Variants in UBE2G2 observed in about 807,000 individuals in gnomAD.
The protein encoded by UBE2G2 is ubiquitin conjugating enzyme E2 G2.
In UBE2G2, 10 loss-of-function variants were observed where a neutral mutation model predicts 23.0. The observed-to-expected ratio is 0.43, with a 90% CI of 0.27 to 0.74. UBE2G2 has a LOEUF of 0.74. UBE2G2 is among the 30% of genes least tolerant of loss of function. The probability of loss-of-function intolerance (pLI) is 0.19; values close to 1 mark genes in which losing one functional copy is unlikely to be tolerated. For synonymous variants in UBE2G2, 86 were observed against 81.3 expected (o/e 1.06, Z -0.31); for missense variants, 150 against 218.3 (o/e 0.69, Z 1.97).
rs1488104702 is a variant in UBE2G2, at chr21:44,771,100, C to A, written c.*277G>T. 1 of 372,638 alleles carries A rather than the reference C, an allele frequency of 2.7e-6. No homozygotes were observed. Among genetic ancestry groups the A allele is most frequent in the Non-Finnish European group, 4.9e-6 (1 of 203,626 alleles). The allele number at this position is 372,638 out of a possible 1,614,324, so 23.1% of individuals were successfully genotyped here. On this transcript the variant is annotated 3_prime_UTR_variant, in exon 6 of 6. Transcript: ENST00000345496. The surrounding 1 kb of genome is among the most constrained non-coding windows in gnomAD (Gnocchi z 4.6). Reference sequence around the variant, plus strand: ...GGAAGCCATGAACTGCTGGTTTCAGCGGGGAGAGGTAGTGCTGACAGCTCT... The same window carrying A: ...GGAAGCCATGAACTGCTGGTTTCAGAGGGGAGAGGTAGTGCTGACAGCTCT...
In UBE2G2 at chr21:44,792,409, A is replaced by T. The variant is rs56178579; in HGVS notation, c.44-4314T>A. On this transcript the variant is annotated intron_variant, in intron 1 of 5. Coordinates refer to ENST00000345496, the MANE Select transcript of UBE2G2 (RefSeq NM_003343.6). ...GAACCTGGTAGGAGGTGACTGGATC[A>T]TGGGGGCAGTTTCCCTCATGCTGTT... Among the ~76,000 whole-genome samples the T allele has an allele frequency of 7.2e-3, 1,091 of 152,282 alleles. 14 individuals are homozygous for T. Among genetic ancestry groups the T allele is most frequent in the African/African-American group, 0.026 (1,065 of 41,562 alleles).
At chr21:44,784,681 G>A (rs1555961744) in intron 3 of UBE2G2, among the ~76,000 whole-genome samples, 1 of 152,136 alleles carries the variant, frequency 6.6e-6, no homozygotes, top group African/African-American at 2.4e-5. Flanking sequence ...GGTAGAAGCC[G>A]CGGCAGCCTG....
chr21:44,800,086 A>C (rs1555964510), intron 1 of UBE2G2: 3 of 152,230 alleles, frequency 2.0e-5, no homozygotes, highest in African/African-American at 7.2e-5. Context: ...AAGATTACTG[A>C]TCATAGATCA....
At chr21:44,796,543 A>C (rs2083090640) in intron 1 of UBE2G2, among the ~76,000 whole-genome samples, 1 of 151,934 alleles carries the variant, frequency 6.6e-6, no homozygotes, top group Admixed American at 6.6e-5. Flanking sequence ...AATGATACAC[A>C]AAAAAAACCC....
rs553580929 is a variant in UBE2G2 at position 44,801,329 on chromosome 21, C to CT, written c.43+376dup. On this transcript the variant is annotated intron_variant, in intron 1 of 5. Coordinates refer to ENST00000345496, the MANE Select transcript of UBE2G2 (RefSeq NM_003343.6). ...AGCCTTTCCCCTTTTAACGCATACA[C>CT]TTTTCCCTCCTAATTCCGCAGCAGC... The CT allele has an allele frequency of 4.8e-4, 516 of 1,069,668 alleles. 1 individual carries two copies. In the African/African-American group the frequency reaches 6.6e-3, roughly 14 times the overall value. 66.3% of individuals were successfully genotyped at this position (1,069,668 alleles called of 1,614,324 possible).
At chr21:44,788,517 C>A (rs1434125229) in intron 1 of UBE2G2, among the ~76,000 whole-genome samples, 1 of 152,064 alleles carries the variant, frequency 6.6e-6, no homozygotes, top group Non-Finnish European at 1.5e-5. Flanking sequence ...TCTAGATCTC[C>A]TGACCTCGTG....
chr21:44,779,449 C>T (rs1306671124), intron 3 of UBE2G2, among the ~76,000 whole-genome samples: 2 of 152,006 alleles, frequency 1.3e-5, no homozygotes, highest in Non-Finnish European at 2.9e-5. Flanking sequence ...GAGGCACGAG[C>T]ATGAGCTCTT....
intron 1 of UBE2G2, among the ~76,000 whole-genome samples, chr21:44,793,591 T>C (rs1285600198): frequency 2.7e-5 from 4 of 150,318 alleles, no homozygotes; most frequent in African/African-American, 9.9e-5. Flanking sequence ...GTTTTTTGCT[T>C]CCAAAGCATA....
Position 44,787,964 on chromosome 21 carries a change from G to T in UBE2G2, c.81C>A (p.Gly27=). Reference sequence around the variant, plus strand: ...CAAAAAAGTTCTCTTCATTCATGGGGCCTGTAGGGTGAGAAAAAATTTCAC... The same window carrying T: ...CAAAAAAGTTCTCTTCATTCATGGGTCCTGTAGGGTGAGAAAAAATTTCAC... ...TLNPPEGIVA[G]PMNEENFFEW... is the part of the protein sequence containing the mutation. Residue 27 remains glycine (G), a splice_region_variant and synonymous_variant, in exon 3 of 6, where the codon GGC becomes GGA. Transcript: ENST00000345496. 2 of 1,613,386 alleles carry T rather than the reference G, an allele frequency of 1.2e-6. No individual in the cohort carries two copies. The highest frequency in any genetic ancestry group is 1.7e-6 in the Non-Finnish European group (2 of 1,179,830).
intron 1 of UBE2G2, among the ~76,000 whole-genome samples, chr21:44,792,735 A>G (rs2146402860): frequency 6.6e-6 from 1 of 152,310 alleles, no homozygotes; most frequent in South Asian, 2.1e-4. Flanking sequence ...CCAAGGAAAA[A>G]TTATTTCACT....
intron 3 of UBE2G2, among the ~76,000 whole-genome samples, chr21:44,778,038 AG>A (rs1438764854): frequency 6.6e-6 from 1 of 152,210 alleles, no homozygotes; most frequent in Non-Finnish European, 1.5e-5. Context: ...ATCAGAGAAA[AG>A]AACTAATGTC....
chr21:44,781,499 C>G (rs1342508677), intron 3 of UBE2G2, among the ~76,000 whole-genome samples: 7 of 152,250 alleles, frequency 4.6e-5, no homozygotes, highest in African/African-American at 1.7e-4. Flanking sequence ...AGGACACTGG[C>G]TCTGCTATGC....
intron 1 of UBE2G2, chr21:44,800,759 T>G (rs1256761125): frequency 4.6e-5 from 7 of 152,256 alleles, no homozygotes; most frequent in Admixed American, 4.6e-4. Flanking sequence ...ACTTATTTTT[T>G]TTCTCACATT....
At chr21:44,794,665 G>A (rs1221457128) in intron 1 of UBE2G2, among the ~76,000 whole-genome samples, 1 of 151,736 alleles carries the variant, frequency 6.6e-6, no homozygotes, top group African/African-American at 2.4e-5. Context: ...CTCCTGAGTA[G>A]CTGGGACTAC....
At chr21:44,791,709 G>A (rs1555962962) in intron 1 of UBE2G2, among the ~76,000 whole-genome samples, 1 of 152,208 alleles carries the variant, frequency 6.6e-6, no homozygotes, top group Non-Finnish European at 1.5e-5. Context: ...AGCTCCCAGA[G>A]TCCCCACTGG....
chr21:44,785,110 TC>T lies in UBE2G2; in HGVS notation c.125+2809del, dbSNP rs3838126. Among the ~76,000 whole-genome samples, 6 of 152,268 alleles carry T rather than the reference TC, an allele frequency of 3.9e-5. No homozygotes were observed. The East Asian group carries it at 1.2e-3, about 29-fold the overall frequency. On this transcript the variant is annotated intron_variant, in intron 3 of 5. Transcript: ENST00000345496. ...GCTGGGCAAGACCTGTAACCATCTG[TC>T]TAGAAGATGCTGATAAACCTCTCTG...
rs1555959970 is a variant in UBE2G2 at position 44,771,689 on chromosome 21, C to T, written c.386-200G>A. Among the ~76,000 whole-genome samples, 1 of 152,164 alleles carries T rather than the reference C, an allele frequency of 6.6e-6. No homozygotes were observed. The highest frequency in any genetic ancestry group is 6.5e-5 in the Admixed American group (1 of 15,282). ...GTCTCAACGAAAGCCACTCTCATGA[C>T]TCCTGCGTTCTGAGTGTCTGAAGAC... On this transcript the variant is annotated intron_variant, in intron 5 of 5. Coordinates refer to ENST00000345496, the MANE Select transcript of UBE2G2 (RefSeq NM_003343.6). The surrounding 1 kb of genome is among the most constrained non-coding windows in gnomAD (Gnocchi z 4.6).
At chr21:44,773,439 A>C (rs1310147959) in intron 5 of UBE2G2, 108 bp downstream of exon 5, 54 of 1,388,112 alleles carry the variant, frequency 3.9e-5, no homozygotes, top group Middle Eastern at 2.6e-4. Context: ...TGTGTAAACT[A>C]ACTGCAAATG....
chr21:44,789,820 G>C (rs2083029672), intron 1 of UBE2G2, among the ~76,000 whole-genome samples: 1 of 152,082 alleles, frequency 6.6e-6, no homozygotes, highest in South Asian at 2.1e-4. Context: ...TGGGACCTTT[G>C]GGAGGAGATT....
Sources: gnomAD v4.1 joint callset for allele counts (sites outside exome capture counted in the v4.1 genomes callset) on GRCh38, gnomAD v4.1.1 for gene constraint, Gnocchi (gnomAD v3.1) non-coding constraint, MANE v1.5 for transcripts, NCBI Gene and HGNC (gene_info 2026-07-23, HGNC 2026-07-21) for gene names.